The following KRT14 variants were observed in gnomAD, a reference collection of about 807,000 sequenced individuals.
KRT14 encodes keratin 14, also known as keratin, type I cytoskeletal 14.
Under a neutral mutation model 44.5 loss-of-function variants are expected in KRT14, and 30 were observed. The ratio of observed to expected loss-of-function variants is 0.67; its 90% CI spans 0.50 to 0.92. The LOEUF is 0.92. Among genes scored for constraint, KRT14 ranks in the 40% least tolerant of loss-of-function variants. The probability of loss-of-function intolerance (pLI) is 0.00; values close to 1 mark genes in which losing one functional copy is unlikely to be tolerated. For synonymous variants in KRT14, 241 were observed against 257.6 expected, an observed-to-expected ratio of 0.94 and a Z score of 0.62; for missense variants, 535 against 640.6, an observed-to-expected ratio of 0.84 and a Z score of 1.78.
intron 3 of KRT14, 146 bp from the exon 4 acceptor site, chr17:41,584,067 CTCTTTTTTTTTTTT>C: frequency 2.1e-6 from 1 of 468,820 alleles, no homozygotes. Flanking sequence ...CTCTCTCTCT[CTCTTTTTTTTTTTT>C]TTTTTTTTTT....
intron 3 of KRT14, 117 bp downstream of exon 3, chr17:41,584,140 C>T (rs1425285934): frequency 1.1e-6 from 1 of 903,374 alleles, no homozygotes; most frequent in Non-Finnish European, 1.7e-6. Flanking sequence ...ACTCAAACTC[C>T]TGTGTTCAAG....
At chr17:41,583,732 G>A (rs771078765) in intron 4 of KRT14, 28 bp downstream of exon 4, 12 of 1,614,126 alleles carry the variant, frequency 7.4e-6, no homozygotes, top group Middle Eastern at 3.3e-4. Context: ...AGGTGGTCTG[G>A]GTTCCTTCCA....
intron 1 of KRT14, 84 bp downstream of exon 1, chr17:41,586,226 T>A: frequency 6.4e-7 from 1 of 1,560,178 alleles, no homozygotes; most frequent in Non-Finnish European, 8.8e-7. Flanking sequence ...TATAGAGAAA[T>A]CTTAAGGTCT....
rs1567737096 is a variant in KRT14, at chr17:41,584,266, G to A, written c.756C>T (p.Asn252=). 6.2e-7 allele frequency: 1 copy of A among 1,613,462 alleles called. No homozygotes were observed. The highest frequency in any genetic ancestry group is 1.3e-5 in the African/African-American group (1 of 74,676). The change falls in exon 3 of 8, where the codon AAC becomes AAT. Residue 252 remains asparagine, a synonymous_variant. Transcript: ENST00000167586. ...TCCATATAGTTCTCACCTCCTCGTGGTTCTTCTTCAGGTAGGCCAGCTCCT... is the reference window on the plus strand; with the variant it reads ...TCCATATAGTTCTCACCTCCTCGTGATTCTTCTTCAGGTAGGCCAGCTCCT... ...LKEELAYLKK[N]HEEEMNALRG...
In KRT14 at chr17:41,583,870, C is replaced by T. The variant is rs1907427531; in HGVS notation, c.817G>A (p.Asp273Asn). 1.7e-5 allele frequency: 27 copies of T among 1,614,066 alleles called. No homozygotes were observed. Among genetic ancestry groups the T allele is most frequent in the Non-Finnish European group, 2.3e-5 (27 of 1,179,986 alleles). ...QVGGDVNVEM[D>N]AAPGVDLSRI... ...CTCAGGTCCACGCCAGGTGCAGCGTCCATCTCCACATTGACATCTCCACCC... is the reference window on the plus strand; with the variant it reads ...CTCAGGTCCACGCCAGGTGCAGCGTTCATCTCCACATTGACATCTCCACCC... The change falls in exon 4 of 8, where the codon GAC (aspartate) becomes AAC (asparagine). Residue 273 changes from aspartate (D) to asparagine (N), a missense_variant. Physicochemically the swap from Asp to Asn is conservative, Grantham distance 23. Coordinates refer to ENST00000167586, the MANE Select transcript of KRT14 (RefSeq NM_000526.5).
chr17:41,584,020 T>A, intron 3 of KRT14, 99 bp from the exon 4 acceptor site: 1 of 1,220,096 alleles, frequency 8.2e-7, no homozygotes, highest in Non-Finnish European at 1.2e-6. Flanking sequence ...CACAATTCTA[T>A]CTCGACTCTC....
intron 1 of KRT14, among the ~76,000 whole-genome samples, chr17:41,585,812 G>A (rs1250855609): frequency 6.6e-6 from 1 of 152,246 alleles, no homozygotes; most frequent in Non-Finnish European, 1.5e-5. Context: ...CCTGGCTGTG[G>A]GGAGGGACCA....
rs936100 is a variant in KRT14 at position 41,583,020 on chromosome 17, T to A, written c.1321+74A>T. The stretch of plus-strand genomic sequence containing the variant: ...AGAGCTCAGCCCCTCACGGAGCCCC[T>A]AGCCAATGCCTAGACCTGCTTGGGG... On this transcript the variant is annotated intron_variant, in intron 7 of 7. Transcript: ENST00000167586. The A allele has an allele frequency of 7.9e-3, 11,331 of 1,427,402 alleles. 647 individuals are homozygous for A. In the African/African-American group the frequency reaches 0.13, roughly 17 times the overall value. 88.4% of individuals were successfully genotyped at this position (1,427,402 alleles called of 1,614,324 possible). A position where few individuals can be genotyped will look rare whatever the true frequency, so the allele number is the denominator to read the frequency against.
Position 41,583,369 on chromosome 17 carries a change from C to G in KRT14, c.1140G>C (p.Val380=), listed in dbSNP as rs768112503. 15 of 1,613,618 alleles carry G rather than the reference C, an allele frequency of 9.3e-6. No individual in the cohort carries two copies. In the East Asian group the frequency reaches 3.1e-4, roughly 34 times the overall value. Residue 380 remains valine, a synonymous_variant, in exon 6 of 8, where the codon GTG becomes GTC. Transcript: ENST00000167586. Reference sequence around the variant, plus strand: ...AGCGGAGCTGGGCCAGCTGCTCCTCCACGCTGCCAATCATCTCCTGGATCT... The same window carrying G: ...AGCGGAGCTGGGCCAGCTGCTCCTCGACGCTGCCAATCATCTCCTGGATCT... ...LAQIQEMIGS[V]EEQLAQLRCE...
Position 41,582,693 on chromosome 17 carries a change from T to A in KRT14, c.1322-161A>T, listed in dbSNP as rs987191142. Reference sequence around the variant, plus strand: ...TGCTGTTGCCCAAGCACTGATACCATCAACACATTTCTTTCAGACGAGGGC... The same window carrying A: ...TGCTGTTGCCCAAGCACTGATACCAACAACACATTTCTTTCAGACGAGGGC... On this transcript the variant is annotated intron_variant, in intron 7 of 7. Coordinates refer to ENST00000167586, the MANE Select transcript of KRT14 (RefSeq NM_000526.5). The A allele has an allele frequency of 9.0e-6, 6 of 666,152 alleles. No individual in the cohort carries two copies. The African/African-American group carries it at 1.1e-4, about 12-fold the overall frequency. 41.3% of individuals were successfully genotyped at this position (666,152 alleles called of 1,614,324 possible). A position where few individuals can be genotyped will look rare whatever the true frequency, so the allele number is the denominator to read the frequency against.
intron 3 of KRT14, 25 bp from the exon 4 acceptor site, chr17:41,583,946 G>C (rs914203473): frequency 6.2e-7 from 1 of 1,613,624 alleles, no homozygotes; most frequent in African/African-American, 1.3e-5. Flanking sequence ...ACAGTCCACA[G>C]TCAGGAGTTC....
chr17:41,582,981 T>G, intron 7 of KRT14, 113 bp downstream of exon 7: 1 of 1,041,246 alleles, frequency 9.6e-7, no homozygotes, highest in Non-Finnish European at 1.5e-6. Flanking sequence ...CAAGGGAAAC[T>G]GGGTGACAGC....
In KRT14 at chr17:41,583,384, CT is replaced by C; in HGVS notation, c.1124del (p.Glu375GlyfsTer2). 6.2e-7 allele frequency: 1 copy of C among 1,613,868 alleles called. No individual in the cohort carries two copies. Among genetic ancestry groups the C allele is most frequent in the Non-Finnish European group, 8.5e-7 (1 of 1,180,034 alleles). ...GCTGCTCCTCCACGCTGCCAATCAT[CT>C]CCTGGATCTGGGCCAGCTGCATGCA... Reference protein sequence around the residue: ...RYCMQLAQIQEMIGSVEEQLA... With the variant: ...RYCMQLAQIQXMIGSVEEQLA... On this transcript the variant is annotated frameshift_variant, in exon 6 of 8. Coordinates refer to ENST00000167586, the MANE Select transcript of KRT14 (RefSeq NM_000526.5). LOFTEE classifies it high-confidence loss of function.
chr17:41,583,360 C>A lies in KRT14; in HGVS notation c.1149G>T (p.Gln383His). ...IQEMIGSVEE[Q>H]LAQLRCEMEQ... ...CCATCTCGCAGCGGAGCTGGGCCAGCTGCTCCTCCACGCTGCCAATCATCT... is the reference window on the plus strand; with the variant it reads ...CCATCTCGCAGCGGAGCTGGGCCAGATGCTCCTCCACGCTGCCAATCATCT... Residue 383 changes from glutamine (Q) to histidine (H), a missense_variant, in exon 6 of 8, where the codon CAG (glutamine) becomes CAT (histidine). Gln to His is a conservative substitution (Grantham distance 24). Coordinates refer to ENST00000167586, the MANE Select transcript of KRT14 (RefSeq NM_000526.5). The A allele has an allele frequency of 6.2e-7, 1 of 1,613,758 alleles. No homozygotes were observed. Among genetic ancestry groups the A allele is most frequent in the Non-Finnish European group, 8.5e-7 (1 of 1,180,014 alleles).
In KRT14 at chr17:41,586,357, T is replaced by G; in HGVS notation, c.478A>C (p.Lys160Gln). ...WYQRQRPAEI[K>Q]DYSPYFKTIE... ...GTCTTGAAGTAGGGACTGTAGTCTTTGATCTCAGCAGGCCGCTGCCTCTGG... is the reference window on the plus strand; with the variant it reads ...GTCTTGAAGTAGGGACTGTAGTCTTGGATCTCAGCAGGCCGCTGCCTCTGG... Residue 160 changes from lysine (K) to glutamine (Q), a missense_variant, in exon 1 of 8, where the codon AAA becomes CAA. By Grantham distance (53) the Lys-to-Gln change is moderately conservative. Coordinates refer to ENST00000167586, the MANE Select transcript of KRT14 (RefSeq NM_000526.5). 1 of 1,613,080 alleles carries G rather than the reference T, an allele frequency of 6.2e-7. No homozygotes were observed. Among genetic ancestry groups the G allele is most frequent in the Non-Finnish European group, 8.5e-7 (1 of 1,180,024 alleles).
chr17:41,585,255 G>C (rs547353574), intron 1 of KRT14, among the ~76,000 whole-genome samples, 198 bp from the exon 2 acceptor site: 3 of 152,176 alleles, frequency 2.0e-5, no homozygotes, highest in Non-Finnish European at 2.9e-5. Flanking sequence ...GTCAACAGAG[G>C]GGGTAGATGC....
Position 41,583,566 on chromosome 17 carries a change from C to G in KRT14, c.1038G>C (p.Gln346His). 6.2e-7 allele frequency: 1 copy of G among 1,614,246 alleles called. No individual in the cohort carries two copies. Among genetic ancestry groups the G allele is most frequent in the Non-Finnish European group, 8.5e-7 (1 of 1,180,044 alleles). ...RTMQNLEIELQSQLSMKASLE... is the reference protein window; with the variant it reads ...RTMQNLEIELHSQLSMKASLE... ...CTATTCCTACCATGCTGAGCTGGGA[C>G]TGCAGCTCAATCTCCAGGTTCTGCA... The change falls in exon 5 of 8, where the codon CAG becomes CAC. Residue 346 changes from glutamine (Q) to histidine (H), a missense_variant. Transcript: ENST00000167586.
At chr17:41,586,152 T>C (rs1907516689) in intron 1 of KRT14, among the ~76,000 whole-genome samples, 158 bp downstream of exon 1, 1 of 152,174 alleles carries the variant, frequency 6.6e-6, no homozygotes, top group Non-Finnish European at 1.5e-5. Context: ...GAAAGCATCT[T>C]CTCACTGATC....
chr17:41,583,842 C>T lies in KRT14; in HGVS notation c.845G>A (p.Arg282His), dbSNP rs375620492. The T allele has an allele frequency of 1.4e-5, 22 of 1,614,016 alleles. No individual in the cohort carries two copies. Among genetic ancestry groups the T allele is most frequent in the Admixed American group, 6.7e-5 (4 of 59,984 alleles). The change falls in exon 4 of 8, where the codon CGC becomes CAC. Residue 282 changes from arginine to histidine, a missense_variant. Coordinates refer to ENST00000167586, the MANE Select transcript of KRT14 (RefSeq NM_000526.5). ...MDAAPGVDLS[R>H]ILNEMRDQYE... is the part of the protein sequence containing the mutation. The stretch of plus-strand genomic sequence containing the variant: ...CTGGTCACGCATCTCGTTCAGAATG[C>T]GGCTCAGGTCCACGCCAGGTGCAGC...
Sources: gnomAD v4.1 joint callset for allele counts (sites outside exome capture counted in the v4.1 genomes callset) on GRCh38, gnomAD v4.1.1 for gene constraint, MANE v1.5 for transcripts, NCBI Gene and HGNC (gene_info 2026-07-23, HGNC 2026-07-21) for gene names.